The following LRSAM1 variants were observed in gnomAD, a reference collection of about 807,000 sequenced individuals.
The protein encoded by LRSAM1 is E3 ubiquitin-protein ligase LRSAM1.
LRSAM1 carries 96 observed loss-of-function variants against 118.1 expected under a neutral mutation model. The ratio of observed to expected loss-of-function variants is 0.81; its 90% CI spans 0.69 to 0.96. The LOEUF is 0.96. Ranked by LOEUF, LRSAM1 falls within the 40% of genes least tolerant of loss-of-function variation. The pLI is 0.00. For missense variants in LRSAM1, 804 were observed against 915.5 expected, an observed-to-expected ratio of 0.88 and a Z score of 1.57; for synonymous variants, 322 against 364.2, an observed-to-expected ratio of 0.88 and a Z score of 1.32.
intron 7 of LRSAM1, among the ~76,000 whole-genome samples, chr9:127,459,788 G>A (rs1834666436): frequency 1.3e-5 from 2 of 151,324 alleles, no homozygotes; most frequent in South Asian, 4.2e-4. Flanking sequence ...CAAACTCCTG[G>A]CCTCAGGTGA....
Position 127,492,839 on chromosome 9 carries a change from T to A in LRSAM1, c.1541T>A (p.Leu514Gln), listed in dbSNP as rs758290295. 4 of 1,613,884 alleles carry A rather than the reference T, an allele frequency of 2.5e-6. No individual in the cohort carries two copies. The African/African-American group carries it at 5.3e-5, about 22-fold the overall frequency. ...GAGCAGCGCTGGGCCCTCAGCTCCC[T>A]GCTCCAGCAGCTGCTCAAAGAGAAG... ...ISEQRWALSS[L>Q]LQQLLKEKQQ... The change falls in exon 21 of 26, where the codon CTG (leucine) becomes CAG (glutamine). Residue 514 changes from leucine to glutamine, a missense_variant. Coordinates refer to ENST00000300417, the MANE Select transcript of LRSAM1 (RefSeq NM_001005373.4).
At chr9:127,484,912 A>G (rs907859016) in intron 16 of LRSAM1, among the ~76,000 whole-genome samples, 1 of 147,724 alleles carries the variant, frequency 6.8e-6, no homozygotes, top group African/African-American at 2.5e-5. Context: ...GGTTCAAGCG[A>G]TTCTCCTGCC....
Position 127,489,374 on chromosome 9 carries a change from T to C in LRSAM1, c.1348-70T>C, listed in dbSNP as rs1835844801. On this transcript the variant is annotated intron_variant, in intron 18 of 25. Coordinates refer to ENST00000300417, the MANE Select transcript of LRSAM1 (RefSeq NM_001005373.4). ...GTGCTTTGTACACAGCTTTTGCTTT[T>C]CACAGGGATGGGGCTGCAGGGAAAA... The C allele has an allele frequency of 1.9e-6, 3 of 1,543,706 alleles. No individual in the cohort carries two copies. The Admixed American group carries it at 5.8e-5, about 30-fold the overall frequency.
chr9:127,454,142 G>C lies in LRSAM1; in HGVS notation c.-32-354G>C, dbSNP rs1033047726. The C allele has an allele frequency of 1.5e-5, 5 of 328,218 alleles. No homozygotes were observed. The Admixed American group carries it at 1.8e-4, about 12-fold the overall frequency. 20.3% of individuals were successfully genotyped at this position (328,218 alleles called of 1,614,324 possible). On this transcript the variant is annotated intron_variant, in intron 2 of 25. Transcript: ENST00000300417. ...CTAGAAAGACGCAGCCCCTGCCCCC[G>C]TGGAACTCACTAGAAAGACGCAGCC...
At chr9:127,491,167 C>T in intron 19 of LRSAM1, 48 bp from the exon 20 acceptor site, 1 of 1,495,514 alleles carries the variant, frequency 6.7e-7, no homozygotes. Flanking sequence ...CAAAACTGAA[C>T]TGTGGTTAAT....
At position 127,478,972 on chromosome 9, in the gene LRSAM1, A is replaced by G; in HGVS notation, c.780+9A>G. The G allele has an allele frequency of 6.2e-7, 1 of 1,612,544 alleles. No individual in the cohort carries two copies. Among genetic ancestry groups the G allele is most frequent in the Non-Finnish European group, 8.5e-7 (1 of 1,178,512 alleles). On this transcript the variant is annotated intron_variant, in intron 12 of 25. Transcript: ENST00000300417. ...ACTATGAGAAGAGGAAGGTAAGAAA[A>G]TGCCTTTACCCTTCTGTCACTCTTT...
intron 24 of LRSAM1, among the ~76,000 whole-genome samples, chr9:127,499,916 T>G (rs1836311223): frequency 6.7e-6 from 1 of 148,596 alleles, no homozygotes; most frequent in Non-Finnish European, 1.5e-5. Flanking sequence ...AGAGTGAGAC[T>G]CCATCTCAAA....
chr9:127,471,867 T>C (rs550326929), intron 10 of LRSAM1, among the ~76,000 whole-genome samples: 88 of 150,916 alleles, frequency 5.8e-4, no homozygotes, highest in African/African-American at 1.9e-3. Context: ...TTCGCCATGT[T>C]GACCAGGGTG....
At chr9:127,488,212 G>T (rs1835801914) in intron 18 of LRSAM1, among the ~76,000 whole-genome samples, 1 of 152,080 alleles carries the variant, frequency 6.6e-6, no homozygotes, top group Admixed American at 6.5e-5. Flanking sequence ...TGAAACGAAG[G>T]GCCCCTGTGA....
At chr9:127,487,862 A>T in intron 18 of LRSAM1, 99 bp downstream of exon 18, 6 of 891,450 alleles carry the variant, frequency 6.7e-6, no homozygotes, top group Non-Finnish European at 9.9e-6. Flanking sequence ...CCTAGACAGC[A>T]TGTGGGACCA....
At chr9:127,499,055 CAA>C (rs112522307) in intron 24 of LRSAM1, among the ~76,000 whole-genome samples, 1 of 134,242 alleles carries the variant, frequency 7.4e-6, no homozygotes. Context: ...AACTCTGTCT[CAA>C]AAAAAAAAAA....
chr9:127,470,517 T>A lies in LRSAM1; in HGVS notation c.619+2687T>A, dbSNP rs571600509. On this transcript the variant is annotated intron_variant, in intron 10 of 25. Coordinates refer to ENST00000300417, the MANE Select transcript of LRSAM1 (RefSeq NM_001005373.4). ...GGGACACAGAGCCAGACCATATCAA[T>A]GCCCAATGGAAATGCATATGAATAA... Among the ~76,000 whole-genome samples, 3 of 152,208 alleles carry A rather than the reference T, an allele frequency of 2.0e-5. No homozygotes were observed. In the South Asian group the frequency reaches 6.2e-4, roughly 31 times the overall value.
At chr9:127,502,518 C>G (rs928121285) in intron 25 of LRSAM1, among the ~76,000 whole-genome samples, 19 of 151,904 alleles carry the variant, frequency 1.3e-4, no homozygotes, top group African/African-American at 4.6e-4. Flanking sequence ...AACCCCATCT[C>G]TACTAAAAAT....
intron 15 of LRSAM1, 124 bp downstream of exon 15, chr9:127,481,351 C>A: frequency 1.0e-6 from 1 of 955,494 alleles, no homozygotes; most frequent in Non-Finnish European, 1.6e-6. Context: ...CGCCCAGGTC[C>A]AAGCAATTCC....
At chr9:127,457,721 T>A (rs1834572286) in intron 6 of LRSAM1, among the ~76,000 whole-genome samples, 1 of 152,180 alleles carries the variant, frequency 6.6e-6, no homozygotes, top group Non-Finnish European at 1.5e-5. Flanking sequence ...GCAGGTGATC[T>A]GGAAGGACTC....
intron 6 of LRSAM1, among the ~76,000 whole-genome samples, chr9:127,458,358 C>G (rs1307038804): frequency 6.7e-5 from 10 of 149,248 alleles, no homozygotes; most frequent in Non-Finnish European, 1.2e-4. Context: ...GTCCGCAGTC[C>G]GGCGTGGGCG....
intron 7 of LRSAM1, 73 bp from the exon 8 acceptor site, chr9:127,461,100 T>C (rs377382271): frequency 6.0e-6 from 7 of 1,164,804 alleles, no homozygotes; most frequent in African/African-American, 3.1e-5. Context: ...GTGATCCACC[T>C]GCCTCGGCCT....
intron 25 of LRSAM1, 148 bp downstream of exon 25, chr9:127,501,291 C>G: frequency 9.2e-7 from 1 of 1,085,320 alleles, no homozygotes; most frequent in African/African-American, 1.6e-5. Flanking sequence ...ATAAAGATGA[C>G]CCCTGGTCCC....
At chr9:127,467,099 C>G (rs543080107) in intron 9 of LRSAM1, among the ~76,000 whole-genome samples, 9 of 152,106 alleles carry the variant, frequency 5.9e-5, no homozygotes, top group African/African-American at 2.2e-4. Context: ...AGCTGGCAAC[C>G]GAGAGGCAGC....
Sources: allele counts gnomAD v4.1 joint callset (sites outside exome capture counted in the v4.1 genomes callset), GRCh38; gene constraint gnomAD v4.1.1; transcripts MANE v1.5; gene names NCBI Gene and HGNC (gene_info 2026-07-23, HGNC 2026-07-21).